Variants in RNF216 observed in about 807,000 individuals in gnomAD.
RNF216 encodes E3 ubiquitin-protein ligase RNF216.
Under a neutral mutation model 110.8 loss-of-function variants are expected in RNF216, and 72 were observed. The ratio of observed to expected loss-of-function variants is 0.65; its 90% CI spans 0.54 to 0.79. The LOEUF (loss-of-function observed/expected upper bound fraction) is 0.79. RNF216 is among the 30% of genes least tolerant of loss of function. RNF216 has a pLI of 0.00. For synonymous variants in RNF216, 495 were observed against 407.5 expected (o/e 1.21, Z -2.59); for missense variants, 1,342 against 1,141.2 (o/e 1.18, Z -2.54).
At chr7:5,676,807 G>C (rs62453431) in intron 13 of RNF216, among the ~76,000 whole-genome samples, 2 of 152,226 alleles carry the variant, frequency 1.3e-5, no homozygotes, top group Non-Finnish European at 2.9e-5. Context: ...CTGGACTCAG[G>C]TTCCAAGCAC....
At chr7:5,640,536 A>C (rs1295192122) in intron 15 of RNF216, among the ~76,000 whole-genome samples, 1 of 152,190 alleles carries the variant, frequency 6.6e-6, no homozygotes, top group Non-Finnish European at 1.5e-5. Flanking sequence ...CTATGTGTTT[A>C]ATTTCCTTGC....
At chr7:5,769,740 A>G (rs1796395705) in intron 1 of RNF216, among the ~76,000 whole-genome samples, 1 of 148,694 alleles carries the variant, frequency 6.7e-6, no homozygotes, top group African/African-American at 2.5e-5. Context: ...AAAAAAAGAA[A>G]AAAGACTGAA....
intron 1 of RNF216, chr7:5,767,081 G>A (rs979097061): frequency 4.6e-5 from 7 of 152,194 alleles, no homozygotes; most frequent in African/African-American, 7.2e-5. Flanking sequence ...TTATTTTACA[G>A]AGACTTTGGC....
chr7:5,716,086 G>A (rs1793045440), intron 10 of RNF216, among the ~76,000 whole-genome samples: 2 of 152,004 alleles, frequency 1.3e-5, no homozygotes, highest in African/African-American at 4.8e-5. Flanking sequence ...GAAATGGGGT[G>A]CTGCTATGTT....
At chr7:5,656,740 C>T (rs1050845598) in intron 13 of RNF216, among the ~76,000 whole-genome samples, 2 of 152,150 alleles carry the variant, frequency 1.3e-5, no homozygotes, top group African/African-American at 2.4e-5. Flanking sequence ...AAAGCACTTC[C>T]GTCTTCCTTT....
intron 13 of RNF216, among the ~76,000 whole-genome samples, chr7:5,673,917 C>G (rs1790096430): frequency 6.8e-6 from 1 of 147,272 alleles, no homozygotes; most frequent in African/African-American, 2.5e-5. Flanking sequence ...CTGGTGTGCA[C>G]TGGCATGATC....
At chr7:5,686,224 T>TAA (rs71971690) in intron 13 of RNF216, among the ~76,000 whole-genome samples, 136 of 111,616 alleles carry the variant, frequency 1.2e-3, no homozygotes, top group African/African-American at 3.8e-3. Context: ...ACTCTGTTAT[T>TAA]AAAAAAAAAA....
At chr7:5,775,198 G>A (rs1796708156) in intron 1 of RNF216, 1 of 152,106 alleles carries the variant, frequency 6.6e-6, no homozygotes, top group Admixed American at 6.6e-5. Flanking sequence ...CAACAATTAG[G>A]ATTTTCTTCA....
intron 14 of RNF216, among the ~76,000 whole-genome samples, chr7:5,641,689 G>A (rs1468014448): frequency 1.3e-5 from 2 of 152,118 alleles, no homozygotes; most frequent in African/African-American, 4.8e-5. Context: ...CCAGTACTCA[G>A]CATTTAGAAA....
intron 13 of RNF216, among the ~76,000 whole-genome samples, chr7:5,682,753 C>T (rs544278908): frequency 1.3e-5 from 2 of 152,250 alleles, no homozygotes; most frequent in South Asian, 4.1e-4. Context: ...TTAGAATAAT[C>T]ATGTGCAACA....
Position 5,771,724 on chromosome 7 carries a change from G to A in RNF216, c.-70+9817C>T, listed in dbSNP as rs191334381. On this transcript the variant is annotated intron_variant, in intron 1 of 16. Coordinates refer to ENST00000389902, the MANE Select transcript of RNF216 (RefSeq NM_207111.4). Reference sequence around the variant, plus strand: ...AGGTGGGAAGATCTCTTGAGCTCGAGAGGTGGAGGTTGCAGTAGGCTGTGA... The same window carrying A: ...AGGTGGGAAGATCTCTTGAGCTCGAAAGGTGGAGGTTGCAGTAGGCTGTGA... Among the ~76,000 whole-genome samples the A allele has an allele frequency of 1.3e-3, 193 of 152,308 alleles. 1 individual carries two copies. The highest frequency in any genetic ancestry group is 4.5e-3 in the African/African-American group (185 of 41,562).
intron 5 of RNF216, among the ~76,000 whole-genome samples, chr7:5,738,129 T>C (rs1446338091): frequency 6.7e-6 from 1 of 150,208 alleles, no homozygotes; most frequent in Non-Finnish European, 1.5e-5. Context: ...TACAATTATT[T>C]CACCTCTGCA....
chr7:5,781,018 C>T (rs1797056933), intron 1 of RNF216, among the ~76,000 whole-genome samples: 2 of 152,150 alleles, frequency 1.3e-5, no homozygotes, highest in African/African-American at 2.4e-5. Flanking sequence ...GTTTGACGCA[C>T]TTGCGGCGCC....
In RNF216 at chr7:5,650,932, C is replaced by G. The variant is rs369628982; in HGVS notation, c.2159+1481G>C. 1.4e-4 allele frequency among the ~76,000 whole-genome samples: 22 copies of G among 152,320 alleles called. No homozygotes were observed. The East Asian group carries it at 3.5e-3, about 24-fold the overall frequency. On this transcript the variant is annotated intron_variant, in intron 14 of 16. Coordinates refer to ENST00000389902, the MANE Select transcript of RNF216 (RefSeq NM_207111.4). The stretch of plus-strand genomic sequence containing the variant: ...CATTGCCCACTTCATTTTCTGAGTA[C>G]CAAACTCCTTCCATATCCTTCATAT...
intron 13 of RNF216, among the ~76,000 whole-genome samples, chr7:5,677,842 AAGG>A (rs1227413139): frequency 2.0e-5 from 3 of 152,160 alleles, no homozygotes; most frequent in Non-Finnish European, 4.4e-5. Context: ...GAATCAGGGG[AAGG>A]AGGATACTGG....
intron 14 of RNF216, among the ~76,000 whole-genome samples, chr7:5,644,619 C>T (rs1787941096): frequency 6.6e-6 from 1 of 151,930 alleles, no homozygotes; most frequent in Admixed American, 6.6e-5. Flanking sequence ...GATTTCCCAC[C>T]TCAGCCTCCT....
chr7:5,725,377 TTCC>T lies in RNF216; in HGVS notation c.1448_1450del (p.Arg483del). The T allele has an allele frequency of 2.5e-6, 4 of 1,614,024 alleles. No homozygotes were observed. The highest frequency in any genetic ancestry group is 3.4e-6 in the Non-Finnish European group (4 of 1,179,830). On this transcript the variant is annotated inframe_deletion, in exon 8 of 17. Transcript: ENST00000389902. The stretch of plus-strand genomic sequence containing the variant: ...ATACTGGTTCATTTGTTTTCTCTTC[TTCC>T]TTTTTCCACTGGTTTCTGGTGACAG...
rs2128555503 is a variant in RNF216 at position 5,624,745 on chromosome 7, A to G, written c.2383-620T>C. Among the ~76,000 whole-genome samples the G allele has an allele frequency of 6.6e-6, 1 of 152,224 alleles. No individual in the cohort carries two copies. Among genetic ancestry groups the G allele is most frequent in the East Asian group, 1.9e-4 (1 of 5,180 alleles). Reference sequence around the variant, plus strand: ...GCCTGAAATAACAAACACAATTCACACTTGGGTTATCCAAGCCTCAGACAC... The same window carrying G: ...GCCTGAAATAACAAACACAATTCACGCTTGGGTTATCCAAGCCTCAGACAC... On this transcript the variant is annotated intron_variant, in intron 15 of 16. Transcript: ENST00000389902. The surrounding 1 kb of genome is among the most constrained non-coding windows in gnomAD (Gnocchi z 4.4).
intron 15 of RNF216, among the ~76,000 whole-genome samples, chr7:5,638,427 AG>A (rs970124042): frequency 2.0e-5 from 3 of 152,164 alleles, no homozygotes; most frequent in Non-Finnish European, 4.4e-5. Flanking sequence ...TCTAATTAAG[AG>A]GAACTCCCAG....
Sources: allele counts gnomAD v4.1 joint callset (sites outside exome capture counted in the v4.1 genomes callset), GRCh38; gene constraint gnomAD v4.1.1; non-coding constraint Gnocchi (gnomAD v3.1); transcripts MANE v1.5; gene names NCBI Gene and HGNC (gene_info 2026-07-23, HGNC 2026-07-21).